The following ELMOD3 variants were observed in gnomAD, a reference collection of about 807,000 sequenced individuals.
ELMOD3 encodes the protein ELMO domain-containing protein 3.
In ELMOD3, 36 loss-of-function variants were observed where a neutral mutation model predicts 47.4. That is an observed-to-expected ratio of 0.76 (90% CI 0.58 to 1.00). The LOEUF is 1.00. ELMOD3 is among the 50% of genes least tolerant of loss of function. The pLI, the probability that ELMOD3 is intolerant of heterozygous loss-of-function variation, is 0.00. For synonymous variants in ELMOD3, 149 were observed against 183.5 expected (o/e 0.81, Z 1.52); for missense variants, 404 against 463.8 (o/e 0.87, Z 1.18).
At chr2:85,390,094 C>T (rs765519207) in intron 12 of ELMOD3, 44 bp from the exon 13 acceptor site, 31 of 1,571,570 alleles carry the variant, frequency 2.0e-5, no homozygotes, top group Non-Finnish European at 2.6e-5. Flanking sequence ...TAGGTCTCAG[C>T]CTTCATCCAC....
chr2:85,386,664 A>G (rs1358564668), intron 11 of ELMOD3, among the ~76,000 whole-genome samples: 1 of 151,934 alleles, frequency 6.6e-6, no homozygotes, highest in East Asian at 2.0e-4. Context: ...GGATTACAGG[A>G]GTGAGCCACC....
chr2:85,376,475 G>T lies in ELMOD3; in HGVS notation c.608-869G>T, dbSNP rs925414778. 8.5e-5 allele frequency among the ~76,000 whole-genome samples: 13 copies of T among 152,180 alleles called. No individual in the cohort carries two copies. Among genetic ancestry groups the T allele is most frequent in the East Asian group, 1.9e-4 (1 of 5,188 alleles). ...GCCAACATGGCTGGTGGGGCCAGGG[G>T]TGCCTCGTTACTCTTCCTATGTGGC... On this transcript the variant is annotated intron_variant, in intron 10 of 13. Coordinates refer to ENST00000409013, the MANE Select transcript of ELMOD3 (RefSeq NM_001135022.2). The surrounding 1 kb of genome is among the most constrained non-coding windows in gnomAD (Gnocchi z 4.2).
chr2:85,361,758 T>C (rs919783490), intron 4 of ELMOD3, among the ~76,000 whole-genome samples: 7 of 151,868 alleles, frequency 4.6e-5, no homozygotes, highest in African/African-American at 1.7e-4. Flanking sequence ...TGAAACCCCG[T>C]CTCTACTAAA....
intron 12 of ELMOD3, 151 bp from the exon 13 acceptor site, chr2:85,389,987 C>G: frequency 9.2e-7 from 1 of 1,085,502 alleles, no homozygotes; most frequent in Non-Finnish European, 1.4e-6. Context: ...TTCTCCCACC[C>G]CTGGCCTTAG....
rs528786450 is a variant in ELMOD3 at position 85,385,913 on chromosome 2, A to G, written c.739-3838A>G. Among the ~76,000 whole-genome samples, 56 of 152,254 alleles carry G rather than the reference A, an allele frequency of 3.7e-4. 1 individual carries two copies. The highest frequency in any genetic ancestry group is 1.2e-3 in the African/African-American group (51 of 41,550). On this transcript the variant is annotated intron_variant, in intron 11 of 13. Coordinates refer to ENST00000409013, the MANE Select transcript of ELMOD3 (RefSeq NM_001135022.2). ...GGAATGTGTGGGTAAGAGAGTCACA[A>G]TGTTTCTGAACAAAGCCATAGCTCC...
chr2:85,357,981 A>G (rs1260622226), intron 4 of ELMOD3, among the ~76,000 whole-genome samples: 2 of 152,212 alleles, frequency 1.3e-5, no homozygotes, highest in African/African-American at 2.4e-5. Context: ...TGTGAAACAT[A>G]TAAAAGAAAT....
At chr2:85,377,648 C>G (rs1164627531) in intron 11 of ELMOD3, among the ~76,000 whole-genome samples, 174 bp downstream of exon 11, 3 of 152,228 alleles carry the variant, frequency 2.0e-5, no homozygotes, top group African/African-American at 7.2e-5. Flanking sequence ...CAAGCAAGTT[C>G]CTCGACTCCT....
intron 11 of ELMOD3, among the ~76,000 whole-genome samples, chr2:85,389,016 C>T (rs1686128329): frequency 6.6e-6 from 1 of 152,128 alleles, no homozygotes; most frequent in Non-Finnish European, 1.5e-5. Flanking sequence ...AAAAAAAGGC[C>T]CTTTCCATTC....
At chr2:85,364,817 A>C (rs1435900273) in intron 6 of ELMOD3, among the ~76,000 whole-genome samples, 1 of 86,780 alleles carries the variant, frequency 1.2e-5, no homozygotes, top group Non-Finnish European at 2.2e-5. Flanking sequence ...ATATATATAT[A>C]TATATATATT....
chr2:85,364,830 T>A (rs866030646), intron 6 of ELMOD3, among the ~76,000 whole-genome samples: 3,697 of 113,716 alleles, frequency 0.033, 34 homozygotes, highest in East Asian at 0.14. Flanking sequence ...TATATATTTT[T>A]TTTTTTTTTT....
chr2:85,382,760 C>CA (rs1685660658), intron 11 of ELMOD3, among the ~76,000 whole-genome samples: 1 of 152,106 alleles, frequency 6.6e-6, no homozygotes, highest in African/African-American at 2.4e-5. Context: ...AGGTGATCCA[C>CA]ACGCCTTGGC....
chr2:85,382,955 C>A lies in ELMOD3; in HGVS notation c.738+5481C>A, dbSNP rs145026910. On this transcript the variant is annotated intron_variant, in intron 11 of 13. Transcript: ENST00000409013. ...CAGAAGCAGGAAAAAAAAAAAAAAA[C>A]AAAAAAAACTCATCTTCCCTGTTAG... Among the ~76,000 whole-genome samples, 1,103 of 117,250 alleles carry A rather than the reference C, an allele frequency of 9.4e-3. 18 individuals are homozygous for A. Among genetic ancestry groups the A allele is most frequent in the South Asian group, 0.022 (80 of 3,694 alleles). The allele number at this position is 117,250 out of a possible 152,430, so 76.9% of individuals were successfully genotyped here.
intron 10 of ELMOD3, 120 bp from the exon 11 acceptor site, chr2:85,377,224 A>C: frequency 1.1e-6 from 1 of 885,862 alleles, no homozygotes; most frequent in South Asian, 2.5e-5. Flanking sequence ...CAGAAAGTGG[A>C]CGTGTGCTGC....
chr2:85,369,775 T>A lies in ELMOD3; in HGVS notation c.305T>A (p.Ile102Asn), dbSNP rs199798354. The change falls in exon 8 of 14, where the codon ATC becomes AAC. Residue 102 changes from isoleucine (I) to asparagine (N), a missense_variant. Transcript: ENST00000409013. ...QASSEQPGQL[I>N]SFSEALQHFQ... The stretch of plus-strand genomic sequence containing the variant: ...AGCTCAGAGCAGCCTGGGCAGCTAA[T>A]CTCCTTCAGTGAGGCCCTGCAGCAC... 6.9e-5 allele frequency: 112 copies of A among 1,613,968 alleles called. No individual in the cohort carries two copies. The highest frequency in any genetic ancestry group is 8.6e-5 in the Non-Finnish European group (101 of 1,179,986).
intron 10 of ELMOD3, 38 bp from the exon 11 acceptor site, chr2:85,377,306 C>A: frequency 6.5e-7 from 1 of 1,535,338 alleles, no homozygotes. Flanking sequence ...AAGCATTGCT[C>A]GCTGCCACAC....
At chr2:85,359,834 G>A (rs925928267) in intron 4 of ELMOD3, among the ~76,000 whole-genome samples, 15 of 152,036 alleles carry the variant, frequency 9.9e-5, no homozygotes, top group African/African-American at 3.1e-4. Flanking sequence ...AGGATGGCTC[G>A]TGTCTGTAAT....
chr2:85,363,225 G>A, intron 6 of ELMOD3, 59 bp downstream of exon 6: 1 of 896,314 alleles, frequency 1.1e-6, no homozygotes. Flanking sequence ...ACCTTCCCAT[G>A]CATCTGCTGT....
At chr2:85,357,420 C>A in intron 4 of ELMOD3, 168 bp downstream of exon 4, 2 of 433,104 alleles carry the variant, frequency 4.6e-6, no homozygotes, top group Non-Finnish European at 8.2e-6. Flanking sequence ...ATTGCTTTTC[C>A]TAATAGCTTG....
intron 6 of ELMOD3, among the ~76,000 whole-genome samples, chr2:85,363,720 A>G (rs1387250587): frequency 6.6e-6 from 1 of 152,238 alleles, no homozygotes; most frequent in African/African-American, 2.4e-5. Context: ...GGCAAGGAGG[A>G]GCAAGTCACA....
Sources: allele counts gnomAD v4.1 joint callset (sites outside exome capture counted in the v4.1 genomes callset), GRCh38; gene constraint gnomAD v4.1.1; non-coding constraint Gnocchi (gnomAD v3.1); transcripts MANE v1.5; gene names NCBI Gene and HGNC (gene_info 2026-07-23, HGNC 2026-07-21).